The following PPP6R3 variants were observed in gnomAD, a reference collection of about 807,000 sequenced individuals.
The protein encoded by PPP6R3 is protein phosphatase 6 regulatory subunit 3.
A neutral mutation model predicts 110.7 loss-of-function variants in PPP6R3; 38 were observed. The observed-to-expected ratio is 0.34, with a 90% CI of 0.26 to 0.45. The LOEUF (loss-of-function observed/expected upper bound fraction) is 0.45. Among genes scored for constraint, PPP6R3 ranks in the 20% least tolerant of loss-of-function variants. PPP6R3 has a pLI of 1.00. For synonymous variants in PPP6R3, 369 were observed against 373.5 expected (o/e 0.99, Z 0.14); for missense variants, 870 against 1,062.4 (o/e 0.82, Z 2.52).
chr11:68,583,002 T>C, intron 14 of PPP6R3, 41 bp from the exon 15 acceptor site: 1 of 1,354,568 alleles, frequency 7.4e-7, no homozygotes. Context: ...TGTCCAAAAC[T>C]TTTCTATGTT....
intron 1 of PPP6R3, among the ~76,000 whole-genome samples, chr11:68,472,816 T>C (rs894887022): frequency 1.3e-5 from 2 of 152,188 alleles, no homozygotes; most frequent in South Asian, 2.1e-4. Context: ...TTCTGGACAT[T>C]GCTTATTAAT....
intron 22 of PPP6R3, among the ~76,000 whole-genome samples, chr11:68,608,056 C>T (rs1467707592): frequency 2.1e-5 from 3 of 145,360 alleles, no homozygotes; most frequent in African/African-American, 2.5e-5. Flanking sequence ...AAAAAGCCTT[C>T]AAAAACAGAA....
chr11:68,542,404 T>TTTTTTTTTTTTTTTTTC (rs2099324259), intron 3 of PPP6R3, among the ~76,000 whole-genome samples: 1 of 124,130 alleles, frequency 8.1e-6, no homozygotes. Context: ...TTTTTTTTTT[T>TTTTTTTTTTTTTTTTTC]TTTTTTTAAG....
intron 18 of PPP6R3, among the ~76,000 whole-genome samples, chr11:68,594,203 T>G (rs1340043927): frequency 6.6e-6 from 1 of 151,794 alleles, no homozygotes; most frequent in East Asian, 1.9e-4. Flanking sequence ...TTTAAATGTT[T>G]ACACAACCTA....
intron 20 of PPP6R3, 45 bp from the exon 21 acceptor site, chr11:68,601,818 G>A (rs1178001139): frequency 6.7e-7 from 1 of 1,489,832 alleles, no homozygotes; most frequent in Admixed American, 1.7e-5. Flanking sequence ...GGTAACTGAG[G>A]ACCATTCCCT....
intron 1 of PPP6R3, among the ~76,000 whole-genome samples, chr11:68,472,665 A>G (rs1334850741): frequency 6.6e-6 from 1 of 151,720 alleles, no homozygotes; most frequent in Non-Finnish European, 1.5e-5. Flanking sequence ...TTCACAGACT[A>G]TTCAATTGAT....
intron 1 of PPP6R3, among the ~76,000 whole-genome samples, chr11:68,514,130 C>T (rs1433551687): frequency 2.6e-5 from 4 of 152,166 alleles, no homozygotes; most frequent in Non-Finnish European, 4.4e-5. Context: ...GTGGCGTGAT[C>T]ATATCTCTCT....
At position 68,600,406 on chromosome 11, in the gene PPP6R3, G is replaced by A; in HGVS notation, c.2104G>A (p.Val702Met). 6.2e-7 allele frequency: 1 copy of A among 1,614,166 alleles called. No individual in the cohort carries two copies. Among genetic ancestry groups the A allele is most frequent in the Non-Finnish European group, 8.5e-7 (1 of 1,180,018 alleles). The change falls in exon 20 of 24, where the codon GTG becomes ATG. Residue 702 changes from valine to methionine, a missense_variant. By Grantham distance (21) the Val-to-Met change is conservative (BLOSUM62 1). Coordinates refer to ENST00000393800, the MANE Select transcript of PPP6R3 (RefSeq NM_001164161.2). ...AACCCACGGTGCTCCATTGGATTCT[G>A]TGGGATCTGATGTCTGGAGCACAGA... is the stretch of plus-strand genomic sequence containing the variant. ...ETTHGAPLDSVGSDVWSTEEP... is the reference protein window; with the variant it reads ...ETTHGAPLDSMGSDVWSTEEP...
chr11:68,537,008 A>G (rs1307852162), intron 2 of PPP6R3, among the ~76,000 whole-genome samples: 1 of 152,226 alleles, frequency 6.6e-6, no homozygotes, highest in Non-Finnish European at 1.5e-5. Flanking sequence ...AATTTGAAGT[A>G]ACAAACTCTG....
intron 1 of PPP6R3, among the ~76,000 whole-genome samples, chr11:68,507,855 A>G (rs145974044): frequency 6.6e-6 from 1 of 152,288 alleles, no homozygotes; most frequent in East Asian, 1.9e-4. Context: ...ATGTTATGCA[A>G]TAGCTATGAT....
chr11:68,480,274 T>C (rs2098896298), intron 1 of PPP6R3, among the ~76,000 whole-genome samples: 1 of 152,242 alleles, frequency 6.6e-6, no homozygotes, highest in Admixed American at 6.5e-5. Context: ...TTGTGTTTGC[T>C]GTTTTTGATT....
intron 22 of PPP6R3, among the ~76,000 whole-genome samples, chr11:68,608,171 A>C (rs886895867): frequency 1.3e-5 from 2 of 152,220 alleles, no homozygotes; most frequent in East Asian, 3.8e-4. Context: ...TGAAAAAAAC[A>C]TCTGTAGTAG....
At chr11:68,474,364 C>T (rs11820288) in intron 1 of PPP6R3, among the ~76,000 whole-genome samples, 4,400 of 152,242 alleles carry the variant, frequency 0.029, 241 homozygotes, top group African/African-American at 0.1. Flanking sequence ...TTTTAAATAT[C>T]ATATTGGCTA....
At chr11:68,570,850 G>A (rs2099501453) in intron 11 of PPP6R3, among the ~76,000 whole-genome samples, 190 bp from the exon 12 acceptor site, 1 of 152,136 alleles carries the variant, frequency 6.6e-6, no homozygotes, top group Non-Finnish European at 1.5e-5. Context: ...GGAGGGTGTG[G>A]ATCCTGATTT....
intron 1 of PPP6R3, among the ~76,000 whole-genome samples, chr11:68,494,396 C>A (rs551524507): frequency 2.5e-5 from 3 of 121,114 alleles, no homozygotes; most frequent in African/African-American, 3.3e-5. Flanking sequence ...CGGTGGGACA[C>A]GCCTGTAATC....
chr11:68,594,844 C>G (rs559513894), intron 18 of PPP6R3, among the ~76,000 whole-genome samples: 1 of 152,156 alleles, frequency 6.6e-6, no homozygotes, highest in African/African-American at 2.4e-5. Flanking sequence ...ATAGTTAAAA[C>G]AGTATGATAT....
In PPP6R3 at chr11:68,591,538, A is replaced by G. The variant is rs373347588; in HGVS notation, c.1786-38A>G. The G allele has an allele frequency of 7.1e-5, 109 of 1,537,234 alleles. 2 individuals are homozygous for G. The highest frequency in any genetic ancestry group is 3.9e-4 in the Admixed American group (19 of 48,754). On this transcript the variant is annotated intron_variant, in intron 17 of 23. Coordinates refer to ENST00000393800, the MANE Select transcript of PPP6R3 (RefSeq NM_001164161.2). ...TTAAGAGAAGATAACTTGACTTTAA[A>G]TTTATTTTGTTGTTTTTTTCCTCTC... is the stretch of plus-strand genomic sequence containing the variant.
At chr11:68,573,675 C>G (rs1011662361) in intron 12 of PPP6R3, among the ~76,000 whole-genome samples, 4 of 152,158 alleles carry the variant, frequency 2.6e-5, no homozygotes, top group African/African-American at 9.7e-5. Context: ...AATTTGCTAT[C>G]TTTTAAGAAA....
intron 5 of PPP6R3, among the ~76,000 whole-genome samples, chr11:68,550,341 G>C (rs1419714489): frequency 6.6e-6 from 1 of 152,116 alleles, no homozygotes; most frequent in Non-Finnish European, 1.5e-5. Context: ...TGCCCCCGCT[G>C]CCCGCCCTAG....
Sources: gnomAD v4.1 joint callset for allele counts (sites outside exome capture counted in the v4.1 genomes callset) on GRCh38, gnomAD v4.1.1 for gene constraint, MANE v1.5 for transcripts, NCBI Gene and HGNC (gene_info 2026-07-23, HGNC 2026-07-21) for gene names.